KCNK10: variants seen among roughly 807,000 people sequenced by gnomAD.
The protein encoded by KCNK10 is potassium two pore domain channel subfamily K member 10.
A neutral mutation model predicts 47.7 loss-of-function variants in KCNK10; 25 were observed. That is an observed-to-expected ratio of 0.52 (90% CI 0.38 to 0.73). KCNK10 has a LOEUF of 0.73. KCNK10 is among the 30% of genes least tolerant of loss of function. The pLI is 0.00. For synonymous variants in KCNK10, 303 were observed against 285.6 expected (o/e 1.06, Z -0.61); for missense variants, 563 against 714.5 (o/e 0.79, Z 2.42).
intron 1 of KCNK10, among the ~76,000 whole-genome samples, chr14:88,265,584 T>C (rs1887230389): frequency 6.6e-6 from 1 of 152,248 alleles, no homozygotes; most frequent in Admixed American, 6.5e-5. Context: ...GTGTGGCAAT[T>C]TGCTACGGAA....
At chr14:88,203,535 T>C (rs1274848500) in intron 4 of KCNK10, among the ~76,000 whole-genome samples, 2 of 152,154 alleles carry the variant, frequency 1.3e-5, no homozygotes, top group Non-Finnish European at 2.9e-5. Flanking sequence ...TGTAAGCAGA[T>C]GTGATGTAAC....
chr14:88,246,643 A>G (rs1350139845), intron 2 of KCNK10, among the ~76,000 whole-genome samples: 1 of 152,218 alleles, frequency 6.6e-6, no homozygotes, highest in Non-Finnish European at 1.5e-5. Flanking sequence ...CTGGGGCCAC[A>G]CCCAGTGAGG....
chr14:88,269,987 C>T (rs1203623496), intron 1 of KCNK10, among the ~76,000 whole-genome samples: 1 of 152,184 alleles, frequency 6.6e-6, no homozygotes, highest in Non-Finnish European at 1.5e-5. Context: ...GCAGCTGCCT[C>T]AGTGCCACGG....
At chr14:88,295,477 T>C (rs1887967023) in intron 1 of KCNK10, among the ~76,000 whole-genome samples, 1 of 152,002 alleles carries the variant, frequency 6.6e-6, no homozygotes, top group African/African-American at 2.4e-5. Context: ...CTGGCCAACA[T>C]GGTGAAACCC....
upstream of KCNK10, chr14:88,323,326 G>A: frequency 2.0e-6 from 2 of 980,504 alleles, no homozygotes; most frequent in Non-Finnish European, 2.4e-6. Context: ...CACCCCGGCC[G>A]CGGCTCCTCG....
intron 1 of KCNK10, among the ~76,000 whole-genome samples, chr14:88,314,678 A>G (rs1949651282): frequency 6.6e-6 from 1 of 152,188 alleles, no homozygotes; most frequent in African/African-American, 2.4e-5. Flanking sequence ...TGATCCAGAC[A>G]GTGAACCAGA....
chr14:88,323,285 C>T, upstream of KCNK10: 1 of 985,632 alleles, frequency 1.0e-6, no homozygotes, highest in Non-Finnish European at 1.2e-6. Context: ...GGCACGTCAG[C>T]CTCGCTCGGC....
At chr14:88,237,289 A>G (rs1886325584) in intron 3 of KCNK10, among the ~76,000 whole-genome samples, 1 of 152,146 alleles carries the variant, frequency 6.6e-6, no homozygotes, top group African/African-American at 2.4e-5. Flanking sequence ...TCTACTTCTA[A>G]TTCCAACACA....
intron 3 of KCNK10, among the ~76,000 whole-genome samples, chr14:88,230,008 T>C (rs374757884): frequency 1.1e-4 from 16 of 152,208 alleles, no homozygotes; most frequent in Admixed American, 2.6e-4. Flanking sequence ...TCTCAGGTCA[T>C]AGGCACATTC....
rs753571808 is a variant in KCNK10, at chr14:88,184,096, C to A, written c.*1439G>T. The A allele has an allele frequency of 1.3e-5, 2 of 152,298 alleles. No individual in the cohort carries two copies. Among genetic ancestry groups the A allele is most frequent in the Non-Finnish European group, 2.9e-5 (2 of 68,034 alleles). 9.4% of individuals were successfully genotyped at this position (152,298 alleles called of 1,614,324 possible). On this transcript the variant is annotated 3_prime_UTR_variant, in exon 7 of 7. Transcript: ENST00000319231. ...CACAGGAGTATGTATTTTCCCCTTTCTGATACAAACCCATTTAAAATCATC... is the reference window on the plus strand; with the variant it reads ...CACAGGAGTATGTATTTTCCCCTTTATGATACAAACCCATTTAAAATCATC...
chr14:88,253,731 C>G (rs1886863529), intron 2 of KCNK10, among the ~76,000 whole-genome samples: 1 of 152,088 alleles, frequency 6.6e-6, no homozygotes, highest in South Asian at 2.1e-4. Flanking sequence ...AACACCCTGT[C>G]TCTACTAAAA....
chr14:88,219,199 C>T (rs968365137), intron 4 of KCNK10, among the ~76,000 whole-genome samples: 2 of 152,224 alleles, frequency 1.3e-5, no homozygotes, highest in African/African-American at 4.8e-5. Flanking sequence ...AGGCTGGTCA[C>T]CCTAGAGTGG....
At chr14:88,318,196 C>T (rs1258158767) in intron 1 of KCNK10, among the ~76,000 whole-genome samples, 2 of 152,202 alleles carry the variant, frequency 1.3e-5, no homozygotes, top group African/African-American at 4.8e-5. Flanking sequence ...TTGTACTTTG[C>T]CATTTATAGC....
chr14:88,185,666 A>G lies in KCNK10; in HGVS notation c.1501T>C (p.Ser501Pro). The change falls in exon 7 of 7, where the codon TCA becomes CCA. Residue 501 changes from serine to proline, a missense_variant. Transcript: ENST00000319231. The surrounding 1 kb of genome is among the most constrained non-coding windows in gnomAD (Gnocchi z 4.3). ...AGCATGGCTGTGCTGGAGTTGTCTG[A>G]GTTACACATCTTTTCCGTCTCCTCC... ...KEEETEKMCN[S>P]DNSSTAMLTD... 6.2e-7 allele frequency: 1 copy of G among 1,614,170 alleles called. No individual in the cohort carries two copies. Among genetic ancestry groups the G allele is most frequent in the Non-Finnish European group, 8.5e-7 (1 of 1,180,038 alleles).
rs1414844800 is a variant in KCNK10, at chr14:88,181,573, G to C, written c.*3962C>G. On this transcript the variant is annotated 3_prime_UTR_variant, in exon 7 of 7. Transcript: ENST00000319231. Reference sequence around the variant, plus strand: ...ACACCATGCAAAAAATGCCCTCACAGCATGAGCCCTCCCGGTGACAGTACA... The same window carrying C: ...ACACCATGCAAAAAATGCCCTCACACCATGAGCCCTCCCGGTGACAGTACA... The C allele has an allele frequency of 1.3e-5, 2 of 152,140 alleles. No homozygotes were observed. The highest frequency in any genetic ancestry group is 2.9e-5 in the Non-Finnish European group (2 of 68,002). The allele number at this position is 152,140 out of a possible 1,614,324, so 9.4% of individuals were successfully genotyped here.
chr14:88,277,921 G>A (rs1887561153), intron 1 of KCNK10, among the ~76,000 whole-genome samples: 2 of 152,182 alleles, frequency 1.3e-5, no homozygotes, highest in East Asian at 3.8e-4. Context: ...CCTTGAAGGT[G>A]GACCTTTTCC....
chr14:88,208,034 G>A (rs1885337722), intron 4 of KCNK10, among the ~76,000 whole-genome samples: 1 of 152,156 alleles, frequency 6.6e-6, no homozygotes, highest in Non-Finnish European at 1.5e-5. Flanking sequence ...ACATTCCCGT[G>A]GTGAAGCAGA....
Position 88,184,468 on chromosome 14 carries a change from T to C in KCNK10, c.*1067A>G, listed in dbSNP as rs1884474939. ...TTCTTTTTGTTTGGAGATAGCGAGATTGGATCTTATCACTATGTCTACCCT... is the reference window on the plus strand; with the variant it reads ...TTCTTTTTGTTTGGAGATAGCGAGACTGGATCTTATCACTATGTCTACCCT... On this transcript the variant is annotated 3_prime_UTR_variant, in exon 7 of 7. Transcript: ENST00000319231. 1 of 152,348 alleles carries C rather than the reference T, an allele frequency of 6.6e-6. No individual in the cohort carries two copies. The highest frequency in any genetic ancestry group is 1.5e-5 in the Non-Finnish European group (1 of 68,046). The allele number at this position is 152,348 out of a possible 1,614,324, so 9.4% of individuals were successfully genotyped here.
chr14:88,272,228 A>G (rs901072501), intron 1 of KCNK10, among the ~76,000 whole-genome samples: 1 of 152,210 alleles, frequency 6.6e-6, no homozygotes, highest in African/African-American at 2.4e-5. Context: ...GTTCAAAGCA[A>G]GTCCTCAATC....
Sources: allele counts gnomAD v4.1 joint callset (sites outside exome capture counted in the v4.1 genomes callset), GRCh38; gene constraint gnomAD v4.1.1; non-coding constraint Gnocchi (gnomAD v3.1); transcripts MANE v1.5; gene names NCBI Gene and HGNC (gene_info 2026-07-23, HGNC 2026-07-21).